The following DEPDC1 variants were observed in gnomAD, a reference collection of about 807,000 sequenced individuals.
DEPDC1 encodes the protein DEP domain containing 1.
In DEPDC1, 66 loss-of-function variants were observed where a neutral mutation model predicts 86.8. That is an observed-to-expected ratio of 0.76 (90% CI 0.62 to 0.93). DEPDC1 has a LOEUF of 0.93. DEPDC1 is among the 40% of genes least tolerant of loss of function. The pLI, the probability that DEPDC1 is intolerant of heterozygous loss-of-function variation, is 0.00. For synonymous variants in DEPDC1, 255 were observed against 314.9 expected (o/e 0.81, Z 2.02); for missense variants, 792 against 935.7 (o/e 0.85, Z 2.00).
intron 6 of DEPDC1, among the ~76,000 whole-genome samples, chr1:68,486,573 T>C (rs1646193951): frequency 4.6e-5 from 7 of 152,002 alleles, no homozygotes; most frequent in Admixed American, 4.6e-4. Flanking sequence ...TCTATGCTTC[T>C]ACACTATAGA....
rs1216922734 is a variant in DEPDC1, at chr1:68,475,954, C to T, written c.*978G>A. On this transcript the variant is annotated 3_prime_UTR_variant, in exon 12 of 12. Transcript: ENST00000456315. The stretch of plus-strand genomic sequence containing the variant: ...TAATTAGTGTAAGTTAGGCCCTGGG[C>T]ATATAGGCTGTTTTAAAATTCCTCG... The T allele has an allele frequency of 1.3e-5, 2 of 151,808 alleles. No homozygotes were observed. The highest frequency in any genetic ancestry group is 3.9e-4 in the East Asian group (2 of 5,176). 9.4% of individuals were successfully genotyped at this position (151,808 alleles called of 1,614,324 possible).
At chr1:68,481,360 G>A (rs1387099319) in intron 9 of DEPDC1, 80 bp downstream of exon 9, 2 of 1,261,732 alleles carry the variant, frequency 1.6e-6, no homozygotes, top group Non-Finnish European at 2.2e-6. Flanking sequence ...GACATCACTT[G>A]AGTAGTACTT....
chr1:68,494,714 T>C lies in DEPDC1; in HGVS notation c.49-19A>G. The C allele has an allele frequency of 6.3e-7, 1 of 1,584,148 alleles. No homozygotes were observed. The highest frequency in any genetic ancestry group is 8.6e-7 in the Non-Finnish European group (1 of 1,165,426). On this transcript the variant is annotated intron_variant, in intron 1 of 11. Transcript: ENST00000456315. ...CATTCCACTGTAAAAAGAAGGAAAATATTTTTAAAAAATTGAAGAAAAATT... is the reference window on the plus strand; with the variant it reads ...CATTCCACTGTAAAAAGAAGGAAAACATTTTTAAAAAATTGAAGAAAAATT...
At chr1:68,492,885 T>C (rs960315351) in intron 2 of DEPDC1, among the ~76,000 whole-genome samples, 2 of 152,098 alleles carry the variant, frequency 1.3e-5, no homozygotes, top group African/African-American at 2.4e-5. Flanking sequence ...TTTATTCAGA[T>C]AGGAAACCTA....
rs1169146157 is a variant in DEPDC1, at chr1:68,482,778, A to T, written c.1030T>A (p.Cys344Ser). The change falls in exon 8 of 12, where the codon TGC (cysteine) becomes AGC (serine). Residue 344 changes from cysteine (C) to serine (S), a missense_variant. Transcript: ENST00000456315. ...CTATGAAGCAGACTGAGAAGAAGGC[A>T]CTCAGTTGATTTGAAGGAATTCAAA... Reference protein sequence around the residue: ...NNLNSFKSTECLLLSLLHREK... With the variant: ...NNLNSFKSTESLLLSLLHREK... The T allele has an allele frequency of 1.2e-6, 2 of 1,612,634 alleles. No individual in the cohort carries two copies. Among genetic ancestry groups the T allele is most frequent in the Non-Finnish European group, 1.7e-6 (2 of 1,179,216 alleles).
Position 68,489,530 on chromosome 1 carries a change from G to C in DEPDC1, c.393C>G (p.Ser131=). 1 of 1,544,184 alleles carries C rather than the reference G, an allele frequency of 6.5e-7. No individual in the cohort carries two copies. The highest frequency in any genetic ancestry group is 1.3e-5 in the South Asian group (1 of 78,160). Residue 131 remains serine, a synonymous_variant, in exon 3 of 12, where the codon TCC becomes TCG. Transcript: ENST00000456315. ...ELRKNNIENF[S]KDKDSIFKLR... ...ATTTAAAAATGCTATCTTTATCTTT[G>C]GAAAAGTTCTCTATGTTGTTTTTTC... is the stretch of plus-strand genomic sequence containing the variant.
At chr1:68,478,054 A>C (rs559499124) in intron 10 of DEPDC1, 82 bp from the exon 11 acceptor site, 3 of 996,796 alleles carry the variant, frequency 3.0e-6, no homozygotes, top group Non-Finnish European at 4.1e-6. Context: ...GGGATCTAGC[A>C]CCTATTAATT....
intron 2 of DEPDC1, among the ~76,000 whole-genome samples, chr1:68,491,511 A>AT (rs775282410): frequency 1.3e-4 from 20 of 152,198 alleles, no homozygotes; most frequent in Non-Finnish European, 2.9e-4. Flanking sequence ...AAACAAAAAA[A>AT]TAACAGGTGC....
At position 68,494,441 on chromosome 1, in the gene DEPDC1, GT is replaced by G. The variant is rs1557623766; in HGVS notation, c.302del (p.Asn101ThrfsTer22). 6.2e-7 allele frequency: 1 copy of G among 1,613,096 alleles called. No individual in the cohort carries two copies. The highest frequency in any genetic ancestry group is 1.3e-5 in the African/African-American group (1 of 74,848). On this transcript the variant is annotated frameshift_variant, in exon 2 of 12. Coordinates refer to ENST00000456315, the MANE Select transcript of DEPDC1 (RefSeq NM_001114120.3). LOFTEE classifies it high-confidence loss of function. ...TATCTGTTCATTACCTGAAGAGCTG[GT>G]TGTTATCATCAACATTTTCTGATCC... ...RWGSENVDDN[N>X]QLFRFPATSP... is the part of the protein sequence containing the mutation.
At chr1:68,482,008 A>G in intron 8 of DEPDC1, 38 bp downstream of exon 8, 1 of 1,515,832 alleles carries the variant, frequency 6.6e-7, no homozygotes, top group African/African-American at 1.4e-5. Context: ...GTAAACACTC[A>G]AAGTTAATAT....
At chr1:68,477,349 C>A (rs936500480) in intron 11 of DEPDC1, among the ~76,000 whole-genome samples, 1 of 151,628 alleles carries the variant, frequency 6.6e-6, no homozygotes, top group South Asian at 2.1e-4. Context: ...CTATGAAGGG[C>A]ATAGGCATCT....
At chr1:68,492,428 C>T (rs746730392) in intron 2 of DEPDC1, among the ~76,000 whole-genome samples, 1 of 151,882 alleles carries the variant, frequency 6.6e-6, no homozygotes, top group African/African-American at 2.4e-5. Context: ...TAGGAGAGGC[C>T]GGGCGTGGTG....
In DEPDC1 at chr1:68,474,723, A is replaced by G. The variant is rs1646103250; in HGVS notation, c.*2209T>C. The stretch of plus-strand genomic sequence containing the variant: ...TTGAACTTAAAGATCTTTATGTTAG[A>G]ATGGAATCTATCCATGTTCCAGCTT... On this transcript the variant is annotated 3_prime_UTR_variant, in exon 12 of 12. Coordinates refer to ENST00000456315, the MANE Select transcript of DEPDC1 (RefSeq NM_001114120.3). 1 of 152,062 alleles carries G rather than the reference A, an allele frequency of 6.6e-6. No individual in the cohort carries two copies. Among genetic ancestry groups the G allele is most frequent in the African/African-American group, 2.4e-5 (1 of 41,442 alleles). The allele number at this position is 152,062 out of a possible 1,614,324, so 9.4% of individuals were successfully genotyped here. A position where few individuals can be genotyped will look rare whatever the true frequency, so the allele number is the denominator to read the frequency against.
chr1:68,485,970 A>T (rs1040836986), intron 6 of DEPDC1, among the ~76,000 whole-genome samples: 1 of 152,142 alleles, frequency 6.6e-6, no homozygotes, highest in Non-Finnish European at 1.5e-5. Flanking sequence ...GATTTAGCTT[A>T]TATCTTTGTA....
chr1:68,494,939 T>TC (rs1646255183), intron 1 of DEPDC1, among the ~76,000 whole-genome samples: 1 of 152,096 alleles, frequency 6.6e-6, no homozygotes, highest in Non-Finnish European at 1.5e-5. Context: ...GGTCGGGAGT[T>TC]CGAGACCAGC....
In DEPDC1 at chr1:68,476,310, A is replaced by G. The variant is rs1451486634; in HGVS notation, c.*622T>C. The G allele has an allele frequency of 6.6e-6, 1 of 151,912 alleles. No individual in the cohort carries two copies. The highest frequency in any genetic ancestry group is 2.4e-5 in the African/African-American group (1 of 41,424). 9.4% of individuals were successfully genotyped at this position (151,912 alleles called of 1,614,324 possible). A position where few individuals can be genotyped will look rare whatever the true frequency, so the allele number is the denominator to read the frequency against. ...TAATAGATTATGAAAACTAGAATTCAAAATATATATACTGAACAAATGAAT... is the reference window on the plus strand; with the variant it reads ...TAATAGATTATGAAAACTAGAATTCGAAATATATATACTGAACAAATGAAT... On this transcript the variant is annotated 3_prime_UTR_variant, in exon 12 of 12. Coordinates refer to ENST00000456315, the MANE Select transcript of DEPDC1 (RefSeq NM_001114120.3).
intron 9 of DEPDC1, among the ~76,000 whole-genome samples, chr1:68,479,584 C>T (rs961725167): frequency 1.3e-5 from 2 of 151,934 alleles, no homozygotes; most frequent in African/African-American, 4.8e-5. Context: ...GAGAGGCTCA[C>T]TTGAGGCAAG....
chr1:68,491,102 A>T (rs1646226257), intron 2 of DEPDC1, among the ~76,000 whole-genome samples: 1 of 152,236 alleles, frequency 6.6e-6, no homozygotes, highest in Non-Finnish European at 1.5e-5. Context: ...CCTAGGCAAT[A>T]TCATTCTGGA....
At position 68,496,700 on chromosome 1, in the gene DEPDC1, C is replaced by T. The variant is rs955275062; in HGVS notation, c.48+252G>A. The T allele has an allele frequency of 2.3e-6, 1 of 428,022 alleles. No homozygotes were observed. Among genetic ancestry groups the T allele is most frequent in the East Asian group, 3.7e-5 (1 of 27,200 alleles). The allele number at this position is 428,022 out of a possible 1,614,324, so 26.5% of individuals were successfully genotyped here. ...CAGGCACAGGAGTCGCTCCTCATAG[C>T]GAGTCTGGTGCGGCCTACGCGCGGC... On this transcript the variant is annotated intron_variant, in intron 1 of 11. Transcript: ENST00000456315. This position sits in a 1 kb window ranked among gnomAD's most constrained non-coding sequence, Gnocchi z 4.0.
Sources: gnomAD v4.1 joint callset for allele counts (sites outside exome capture counted in the v4.1 genomes callset) on GRCh38, gnomAD v4.1.1 for gene constraint, Gnocchi (gnomAD v3.1) non-coding constraint, MANE v1.5 for transcripts, NCBI Gene and HGNC (gene_info 2026-07-23, HGNC 2026-07-21) for gene names.